Variants in NHSL1 observed in about 807,000 individuals in gnomAD.
NHSL1 encodes the protein NHS like 1.
A neutral mutation model predicts 95.0 loss-of-function variants in NHSL1; 48 were observed. The ratio of observed to expected loss-of-function variants is 0.51; its 90% CI spans 0.40 to 0.64. The LOEUF (loss-of-function observed/expected upper bound fraction) is 0.64. NHSL1 is among the 30% of genes least tolerant of loss of function. The probability of loss-of-function intolerance (pLI) is 0.00; values close to 1 mark genes in which losing one functional copy is unlikely to be tolerated. For synonymous variants in NHSL1, 783 were observed against 833.9 expected (o/e 0.94, Z 1.05); for missense variants, 1,971 against 2,077.7 (o/e 0.95, Z 1.00).
At chr6:138,542,768 T>A (rs1390691103) in intron 1 of NHSL1, among the ~76,000 whole-genome samples, 1 of 152,202 alleles carries the variant, frequency 6.6e-6, no homozygotes, top group Non-Finnish European at 1.5e-5. Context: ...ATTTATTCTT[T>A]AAACATTTTT....
intron 1 of NHSL1, among the ~76,000 whole-genome samples, chr6:138,535,343 T>A (rs943625222): frequency 6.6e-6 from 1 of 152,108 alleles, no homozygotes; most frequent in African/African-American, 2.4e-5. Context: ...GCGGGAGGAT[T>A]GCCTGAGCCC....
chr6:138,446,317 G>C (rs550342566), intron 4 of NHSL1, among the ~76,000 whole-genome samples: 1 of 152,052 alleles, frequency 6.6e-6, no homozygotes, highest in African/African-American at 2.4e-5. Context: ...GATTACAGGT[G>C]TGAGCCACCA....
At chr6:138,548,452 T>G (rs1276700688), upstream of NHSL1, among the ~76,000 whole-genome samples, 1 of 152,192 alleles carries the variant, frequency 6.6e-6, no homozygotes, top group Non-Finnish European at 1.5e-5. Flanking sequence ...CCAACACAAA[T>G]TTGTAAACTT....
intron 1 of NHSL1, among the ~76,000 whole-genome samples, chr6:138,653,010 G>C (rs1332646307): frequency 1.3e-5 from 2 of 152,202 alleles, no homozygotes; most frequent in South Asian, 4.1e-4. Flanking sequence ...CACTCACAGG[G>C]AGAGGCTGTT....
intron 5 of NHSL1, among the ~76,000 whole-genome samples, chr6:138,441,588 G>A (rs1215633252): frequency 1.3e-5 from 2 of 152,158 alleles, no homozygotes; most frequent in South Asian, 2.1e-4. Flanking sequence ...TATAGTTATA[G>A]TGAAAGTCCA....
chr6:138,631,251 C>T (rs952902443), intron 1 of NHSL1, among the ~76,000 whole-genome samples: 3 of 152,200 alleles, frequency 2.0e-5, no homozygotes, highest in African/African-American at 7.2e-5. Context: ...AGCTAAAGTG[C>T]TCTGGGGCTC....
Position 138,423,982 on chromosome 6 carries a change from G to T in NHSL1, c.*99C>A. Reference sequence around the variant, plus strand: ...GGCCCACAGCACAGAAGCAGAGTGGGCTCCCCGGGTGAGCCAGGGAAGGGC... The same window carrying T: ...GGCCCACAGCACAGAAGCAGAGTGGTCTCCCCGGGTGAGCCAGGGAAGGGC... On this transcript the variant is annotated 3_prime_UTR_variant, in exon 8 of 8. Coordinates refer to ENST00000343505, the MANE Select transcript of NHSL1 (RefSeq NM_001144060.2). 8.3e-7 allele frequency: 1 copy of T among 1,207,982 alleles called. No individual in the cohort carries two copies. Among genetic ancestry groups the T allele is most frequent in the Non-Finnish European group, 1.1e-6 (1 of 952,186 alleles). The allele number at this position is 1,207,982 out of a possible 1,614,324, so 74.8% of individuals were successfully genotyped here.
At chr6:138,489,952 A>AGGAGAGAG (rs1227756136) in intron 2 of NHSL1, among the ~76,000 whole-genome samples, 2 of 28,634 alleles carry the variant, frequency 7.0e-5, no homozygotes, top group Admixed American at 8.1e-4. Context: ...GAGGGAGAGA[A>AGGAGAGAG]GGAGAGAGGG....
intron 1 of NHSL1, among the ~76,000 whole-genome samples, chr6:138,609,515 C>T (rs1784479134): frequency 6.6e-6 from 1 of 152,036 alleles, no homozygotes; most frequent in Non-Finnish European, 1.5e-5. Context: ...CTTTGGGAGG[C>T]CGAGGTGGGC....
intron 3 of NHSL1, among the ~76,000 whole-genome samples, chr6:138,450,353 A>C (rs1380218147): frequency 6.6e-6 from 1 of 152,226 alleles, no homozygotes; most frequent in Non-Finnish European, 1.5e-5. Context: ...GGCAACCTTG[A>C]ATTACAGTAT....
In NHSL1 at chr6:138,431,568, G is replaced by C; in HGVS notation, c.2777C>G (p.Ser926Cys). ...AGGAGGAGGAGGAGGAGCCGGGGGA[G>C]AGCCCACGGCTGGATCCAGCTTCTT... ...TMKKLDPAVG[S>C]PPAPPPPPVP... The change falls in exon 6 of 8, where the codon TCT becomes TGT. Residue 926 changes from serine (S) to cysteine (C), a missense_variant. Ser to Cys is a moderately radical substitution (Grantham distance 112, BLOSUM62 -1). Coordinates refer to ENST00000343505, the MANE Select transcript of NHSL1 (RefSeq NM_001144060.2). This position sits in a 1 kb window ranked among gnomAD's most constrained non-coding sequence, Gnocchi z 4.0. The C allele has an allele frequency of 1.9e-6, 3 of 1,551,384 alleles. No homozygotes were observed. Among genetic ancestry groups the C allele is most frequent in the Non-Finnish European group, 2.6e-6 (3 of 1,146,802 alleles).
chr6:138,516,588 T>C (rs970759953), intron 1 of NHSL1, among the ~76,000 whole-genome samples: 9 of 151,732 alleles, frequency 5.9e-5, no homozygotes, highest in Non-Finnish European at 1.0e-4. Flanking sequence ...TCAAAGTTGT[T>C]TTGTTGTTGT....
intron 2 of NHSL1, among the ~76,000 whole-genome samples, chr6:138,484,510 A>G (rs567379882): frequency 1.3e-5 from 2 of 152,304 alleles, no homozygotes; most frequent in Non-Finnish European, 2.9e-5. Context: ...AAAATACACT[A>G]CTAATTGTGG....
intron 1 of NHSL1, among the ~76,000 whole-genome samples, chr6:138,601,210 T>C (rs1784365453): frequency 6.6e-6 from 1 of 152,234 alleles, no homozygotes; most frequent in Non-Finnish European, 1.5e-5. Context: ...TTGATTATAC[T>C]CCCTGGCCTG....
chr6:138,518,836 G>A (rs1359311442), intron 1 of NHSL1, among the ~76,000 whole-genome samples: 2 of 152,084 alleles, frequency 1.3e-5, no homozygotes, highest in Admixed American at 6.5e-5. Flanking sequence ...TGGCCAACGT[G>A]GTGAAACCCC....
chr6:138,623,316 G>C (rs954184722), intron 1 of NHSL1, among the ~76,000 whole-genome samples: 6 of 152,170 alleles, frequency 3.9e-5, no homozygotes, highest in Admixed American at 1.3e-4. Flanking sequence ...GAGACGAAGA[G>C]ACAACAGGGC....
upstream of NHSL1, among the ~76,000 whole-genome samples, chr6:138,550,005 C>A: frequency 6.6e-6 from 1 of 152,048 alleles, no homozygotes; most frequent in Admixed American, 6.6e-5. Context: ...TTTAGGAGGA[C>A]AAGGCAGGCT....
chr6:138,467,334 A>G (rs767868283), intron 3 of NHSL1, among the ~76,000 whole-genome samples: 5 of 151,984 alleles, frequency 3.3e-5, no homozygotes, highest in South Asian at 2.1e-4. Flanking sequence ...TTGTATTTTT[A>G]GTAGAGACGG....
intron 1 of NHSL1, among the ~76,000 whole-genome samples, chr6:138,523,578 G>C (rs1781770618): frequency 7.1e-6 from 1 of 140,960 alleles, no homozygotes; most frequent in African/African-American, 2.6e-5. Context: ...CAAAGTGCTG[G>C]GATTACAGGC....
Sources: gnomAD v4.1 joint callset for allele counts (sites outside exome capture counted in the v4.1 genomes callset) on GRCh38, gnomAD v4.1.1 for gene constraint, Gnocchi (gnomAD v3.1) non-coding constraint, MANE v1.5 for transcripts, NCBI Gene and HGNC (gene_info 2026-07-23, HGNC 2026-07-21) for gene names.